Variants in DCTPP1 observed in about 807,000 individuals in gnomAD.
DCTPP1 encodes dCTP pyrophosphatase 1.
DCTPP1 carries 8 observed loss-of-function variants against 8.8 expected under a neutral mutation model. The observed-to-expected ratio is 0.91, with a 90% CI of 0.54 to 1.64. The LOEUF is 1.64. Among genes scored for constraint, DCTPP1 ranks in the 40% most tolerant of loss-of-function variants. The pLI is 0.00. For missense variants in DCTPP1, 231 were observed against 230.4 expected (o/e 1.00, Z -0.02); for synonymous variants, 85 against 92.1 (o/e 0.92, Z 0.44).
chr16:30,425,483 G>A (rs998588190), intron 2 of DCTPP1, among the ~76,000 whole-genome samples: 2 of 151,696 alleles, frequency 1.3e-5, no homozygotes, highest in Non-Finnish European at 2.9e-5. Flanking sequence ...GCAAGACTCC[G>A]TCTCAAAAAA....
intron 2 of DCTPP1, among the ~76,000 whole-genome samples, chr16:30,426,901 A>G (rs2050197679): frequency 1.3e-5 from 2 of 149,392 alleles, no homozygotes; most frequent in South Asian, 4.2e-4. Flanking sequence ...GGGTTTCACC[A>G]TGTTGGCCAG....
Position 30,423,980 on chromosome 16 carries a change from C to T in DCTPP1, c.*253G>A, listed in dbSNP as rs990618952. On this transcript the variant is annotated 3_prime_UTR_variant, in exon 3 of 3. Coordinates refer to ENST00000319285, the MANE Select transcript of DCTPP1 (RefSeq NM_024096.2). ...GGTCTCAGAGGCACCCCTGGTACCC[C>T]CGTCATCACCTGCTGAGACAGAGAG... The T allele has an allele frequency of 4.0e-6, 2 of 503,404 alleles. No homozygotes were observed. Among genetic ancestry groups the T allele is most frequent in the East Asian group, 3.5e-5 (1 of 28,794 alleles). 31.2% of individuals were successfully genotyped at this position (503,404 alleles called of 1,614,324 possible). A position where few individuals can be genotyped will look rare whatever the true frequency, so the allele number is the denominator to read the frequency against.
At chr16:30,425,626 C>T (rs1028871179) in intron 2 of DCTPP1, among the ~76,000 whole-genome samples, 4 of 152,096 alleles carry the variant, frequency 2.6e-5, no homozygotes, top group African/African-American at 7.2e-5. Flanking sequence ...GCCTGGCCAA[C>T]AAGGTGAAAC....
rs2050178115 is a variant in DCTPP1, at chr16:30,424,025, A to G, written c.*208T>C. 1.6e-6 allele frequency: 1 copy of G among 617,730 alleles called. No individual in the cohort carries two copies. Among genetic ancestry groups the G allele is most frequent in the Non-Finnish European group, 2.7e-6 (1 of 366,724 alleles). The allele number at this position is 617,730 out of a possible 1,614,324, so 38.3% of individuals were successfully genotyped here. On this transcript the variant is annotated 3_prime_UTR_variant, in exon 3 of 3. Transcript: ENST00000319285. ...AGAGAGCCTCCCTGGCCATCCAGGA[A>G]TAATCTAGAAGTTATCGCCCAAAAC...
chr16:30,429,592 C>T, intron 1 of DCTPP1: 1 of 455,984 alleles, frequency 2.2e-6, no homozygotes, highest in South Asian at 3.8e-5. Flanking sequence ...CTCGTACCCC[C>T]GGCGCCTGGA....
intron 2 of DCTPP1, among the ~76,000 whole-genome samples, chr16:30,425,292 G>T (rs1222693799): frequency 2.6e-5 from 4 of 151,980 alleles, no homozygotes; most frequent in Non-Finnish European, 4.4e-5. Context: ...TTCAAGACCA[G>T]CCTGGCCAAG....
Position 30,424,279 on chromosome 16 carries a change from C to A in DCTPP1, c.467G>T (p.Gly156Val). 1.9e-6 allele frequency: 3 copies of A among 1,614,196 alleles called. No individual in the cohort carries two copies. Among genetic ancestry groups the A allele is most frequent in the Non-Finnish European group, 2.5e-6 (3 of 1,180,028 alleles). ...GGAGTCACAGGGAATGTCCGCAGGC[C>A]CCACAGCCTGGTCTTCAGAGATGGC... ...HGAISEDQAV[G>V]PADIPCDSTG... The change falls in exon 3 of 3, where the codon GGG (glycine) becomes GTG (valine). Residue 156 changes from glycine to valine, a missense_variant. By Grantham distance (109) the Gly-to-Val change is moderately radical. Coordinates refer to ENST00000319285, the MANE Select transcript of DCTPP1 (RefSeq NM_024096.2).
intron 2 of DCTPP1, 92 bp downstream of exon 2, chr16:30,428,965 A>T (rs992902925): frequency 6.8e-6 from 9 of 1,327,420 alleles, no homozygotes; most frequent in Non-Finnish European, 9.4e-6. Context: ...CAGGAGGGGA[A>T]ACTGAACCCA....
intron 2 of DCTPP1, among the ~76,000 whole-genome samples, chr16:30,426,533 G>A (rs532146625): frequency 2.5e-4 from 36 of 142,056 alleles, no homozygotes; most frequent in Non-Finnish European, 3.8e-4. Context: ...GTGCAATGGC[G>A]TGATCTTGGC....
At chr16:30,427,987 C>G (rs1024118982) in intron 2 of DCTPP1, among the ~76,000 whole-genome samples, 1 of 152,110 alleles carries the variant, frequency 6.6e-6, no homozygotes, top group Non-Finnish European at 1.5e-5. Context: ...AGAGTGAGAC[C>G]TTTTCTCTTA....
chr16:30,428,178 C>T (rs750080756), intron 2 of DCTPP1, among the ~76,000 whole-genome samples: 1 of 152,158 alleles, frequency 6.6e-6, no homozygotes, highest in African/African-American at 2.4e-5. Context: ...CATACTCTAG[C>T]CCTAATCATA....
In DCTPP1 at chr16:30,425,323, C is replaced by T. The variant is rs989500577; in HGVS notation, c.213-790G>A. ...CCAAGATGGTGAAACCCCGTCTCTA[C>T]TAAATATACAAAAAAATTAGCTGGG... On this transcript the variant is annotated intron_variant, in intron 2 of 2. Coordinates refer to ENST00000319285, the MANE Select transcript of DCTPP1 (RefSeq NM_024096.2). Among the ~76,000 whole-genome samples, 6 of 151,986 alleles carry T rather than the reference C, an allele frequency of 3.9e-5. No homozygotes were observed. In the East Asian group the frequency reaches 5.8e-4, roughly 15 times the overall value.
Position 30,426,555 on chromosome 16 carries a change from T to TCTGC in DCTPP1, c.213-2026_213-2023dup, listed in dbSNP as rs553655506. Reference sequence around the variant, plus strand: ...GGCGTGATCTTGGCTCACTGCCAGCTCTGCCTCCCGGATTCAAGCGATTCT... The same window carrying TCTGC: ...GGCGTGATCTTGGCTCACTGCCAGCTCTGCCTGCCTCCCGGATTCAAGCGATTCT... On this transcript the variant is annotated intron_variant, in intron 2 of 2. Coordinates refer to ENST00000319285, the MANE Select transcript of DCTPP1 (RefSeq NM_024096.2). Among the ~76,000 whole-genome samples the TCTGC allele has an allele frequency of 3.2e-4, 48 of 148,722 alleles. No individual in the cohort carries two copies. In the East Asian group the frequency reaches 9.4e-3, roughly 29 times the overall value.
At chr16:30,429,849 C>T (rs1280737204) in intron 1 of DCTPP1, 31 bp downstream of exon 1, 5 of 1,576,314 alleles carry the variant, frequency 3.2e-6, no homozygotes, top group Non-Finnish European at 4.3e-6. Flanking sequence ...GGGGCGACTT[C>T]CCCACCCCGA....
chr16:30,426,341 A>C (rs1284588140), intron 2 of DCTPP1, among the ~76,000 whole-genome samples: 1 of 151,294 alleles, frequency 6.6e-6, no homozygotes, highest in African/African-American at 2.4e-5. Flanking sequence ...ACACCCAGCT[A>C]ATTTTTTGTA....
At chr16:30,425,006 G>A (rs1233819484) in intron 2 of DCTPP1, among the ~76,000 whole-genome samples, 4 of 152,242 alleles carry the variant, frequency 2.6e-5, no homozygotes, top group African/African-American at 7.2e-5. Context: ...TCCGTCTTCC[G>A]AGTTGCTGGG....
chr16:30,429,001 C>A, intron 2 of DCTPP1, 56 bp downstream of exon 2: 1 of 1,494,514 alleles, frequency 6.7e-7, no homozygotes, highest in Non-Finnish European at 9.1e-7. Flanking sequence ...CAAATAAATG[C>A]TCCCCTCCCC....
At chr16:30,429,238 AC>A (rs755224155) in intron 1 of DCTPP1, 71 bp from the exon 2 acceptor site, 7 of 1,516,108 alleles carry the variant, frequency 4.6e-6, no homozygotes, top group South Asian at 1.2e-5. Flanking sequence ...AGAGGCAGCT[AC>A]CCCCGTAGTA....
At chr16:30,428,278 C>G (rs1034559183) in intron 2 of DCTPP1, among the ~76,000 whole-genome samples, 5 of 152,240 alleles carry the variant, frequency 3.3e-5, no homozygotes, top group Admixed American at 1.3e-4. Context: ...GCGCTGGGCA[C>G]TTGGGACACA....
Sources: allele counts gnomAD v4.1 joint callset (sites outside exome capture counted in the v4.1 genomes callset), GRCh38; gene constraint gnomAD v4.1.1; transcripts MANE v1.5; gene names NCBI Gene and HGNC (gene_info 2026-07-23, HGNC 2026-07-21).